The following RBM39 variants were observed in gnomAD, a reference collection of about 807,000 sequenced individuals.
RBM39 encodes RNA-binding protein 39.
A neutral mutation model predicts 79.6 loss-of-function variants in RBM39; 12 were observed. That is an observed-to-expected ratio of 0.15 (90% confidence interval 0.10 to 0.24). The LOEUF (loss-of-function observed/expected upper bound fraction) is 0.24, where lower values mean the gene tolerates loss of function less well. Ranked by LOEUF, RBM39 falls within the 10% of genes least tolerant of loss-of-function variation. The pLI, the probability that RBM39 is intolerant of heterozygous loss-of-function variation, is 1.00. For synonymous variants in RBM39, 185 were observed against 208.4 expected, an observed-to-expected ratio of 0.89 and a Z score of 0.97; for missense variants, 243 against 653.4, an observed-to-expected ratio of 0.37 and a Z score of 6.85.
chr20:35,726,534 C>CA (rs1283336250), intron 6 of RBM39, among the ~76,000 whole-genome samples: 1 of 152,190 alleles, frequency 6.6e-6, no homozygotes, highest in Non-Finnish European at 1.5e-5. Context: ...CAGACTGATC[C>CA]AAAATCAGTG....
chr20:35,734,445 T>C (rs527415803), intron 3 of RBM39: 15 of 251,080 alleles, frequency 6.0e-5, no homozygotes, highest in East Asian at 5.0e-4. Flanking sequence ...ATTCCAACTA[T>C]AGAACTCTGA....
chr20:35,710,614 T>C (rs1174070048), intron 12 of RBM39: 1 of 152,214 alleles, frequency 6.6e-6, no homozygotes, highest in African/African-American at 2.4e-5. Context: ...AATGTGGATA[T>C]AGTGATGACC....
intron 11 of RBM39, 78 bp from the exon 12 acceptor site, chr20:35,713,174 T>C: frequency 2.4e-6 from 3 of 1,243,678 alleles, no homozygotes; most frequent in Non-Finnish European, 3.4e-6. Context: ...AATATCATGA[T>C]CACTTCACTA....
rs1480799754 is a variant in RBM39 at position 35,701,541 on chromosome 20, CAGG to C, written c.*2937_*2939del. Reference sequence around the variant, plus strand: ...GGCAAAGGCTGGTGGATCACAAGGTCAGGAGATGGAGACCATCTTGGGTAACAC... The same window carrying C: ...GGCAAAGGCTGGTGGATCACAAGGTCAGATGGAGACCATCTTGGGTAACAC... On this transcript the variant is annotated 3_prime_UTR_variant, in exon 17 of 17. Transcript: ENST00000253363. The C allele has an allele frequency of 6.6e-6, 1 of 152,378 alleles. No individual in the cohort carries two copies. The highest frequency in any genetic ancestry group is 1.5e-5 in the Non-Finnish European group (1 of 68,252). 9.4% of individuals were successfully genotyped at this position (152,378 alleles called of 1,614,324 possible).
intron 2 of RBM39, 192 bp downstream of exon 2, chr20:35,740,632 C>T: frequency 7.1e-7 from 1 of 1,416,788 alleles, no homozygotes; most frequent in Non-Finnish European, 9.7e-7. Flanking sequence ...TTATTCATCA[C>T]GCTGAAGTGA....
At chr20:35,723,452 T>C (rs1775836741) in intron 8 of RBM39, among the ~76,000 whole-genome samples, 1 of 152,186 alleles carries the variant, frequency 6.6e-6, no homozygotes, top group African/African-American at 2.4e-5. Flanking sequence ...CTTTTTTCTT[T>C]TTGAGACACA....
At chr20:35,717,096 A>T in intron 9 of RBM39, among the ~76,000 whole-genome samples, 1 of 152,130 alleles carries the variant, frequency 6.6e-6, no homozygotes, top group Admixed American at 6.6e-5. Context: ...CCTGGCCAAC[A>T]TGACGAAATC....
rs554813841 is a variant in RBM39 at position 35,729,182 on chromosome 20, G to A, written c.416+130C>T. On this transcript the variant is annotated intron_variant, in intron 6 of 16. Transcript: ENST00000253363. ...CAGTAGAAATTCACTTGACCTTAAA[G>A]TACTGGAAGTGCAAAAGAAAGCAAA... 8 of 664,402 alleles carry A rather than the reference G, an allele frequency of 1.2e-5. No individual in the cohort carries two copies. In the South Asian group the frequency reaches 2.2e-4, roughly 19 times the overall value. The allele number at this position is 664,402 out of a possible 1,614,324, so 41.2% of individuals were successfully genotyped here.
intron 10 of RBM39, among the ~76,000 whole-genome samples, chr20:35,714,852 A>C (rs1277472210): frequency 2.0e-5 from 3 of 152,232 alleles, no homozygotes; most frequent in African/African-American, 7.2e-5. Flanking sequence ...ATAACTTGAT[A>C]TAAATTACAT....
At chr20:35,725,534 G>A (rs1163421771) in intron 6 of RBM39, among the ~76,000 whole-genome samples, 1 of 152,138 alleles carries the variant, frequency 6.6e-6, no homozygotes, top group Non-Finnish European at 1.5e-5. Context: ...GCCTGCCTTG[G>A]CCTCCCAAAG....
intron 1 of RBM39, among the ~76,000 whole-genome samples, chr20:35,741,279 C>G (rs2040506727): frequency 6.6e-6 from 1 of 151,722 alleles, no homozygotes; most frequent in South Asian, 2.1e-4. Context: ...AGTGATCCGC[C>G]TGCCTCTGCC....
Position 35,738,970 on chromosome 20 carries a change from T to C in RBM39, c.99A>G (p.Lys33=). The change falls in exon 3 of 17, where the codon AAA becomes AAG. Residue 33 remains lysine, a splice_region_variant and synonymous_variant. Coordinates refer to ENST00000253363, the MANE Select transcript of RBM39 (RefSeq NM_184234.3). The part of the protein sequence containing the change: ...SSANGHEERS[K]KRKKSKSRSR... ...CCAAGCCCCTTCTTAAAACTCACTTTTTGCTACGTTCTTCATGGCCGTTGG... is the reference window on the plus strand; with the variant it reads ...CCAAGCCCCTTCTTAAAACTCACTTCTTGCTACGTTCTTCATGGCCGTTGG... 6.2e-7 allele frequency: 1 copy of C among 1,612,760 alleles called. No individual in the cohort carries two copies. The highest frequency in any genetic ancestry group is 1.1e-5 in the South Asian group (1 of 91,034).
At chr20:35,716,680 C>T in intron 10 of RBM39, 60 bp downstream of exon 10, 1 of 1,046,846 alleles carries the variant, frequency 9.6e-7, no homozygotes, top group Non-Finnish European at 1.4e-6. Context: ...CTGAGCAACA[C>T]AGCAAATGTA....
At chr20:35,731,579 T>C (rs2039372435) in intron 4 of RBM39, 1 of 202,112 alleles carries the variant, frequency 4.9e-6, no homozygotes, top group Non-Finnish European at 1.0e-5. Flanking sequence ...AATATGTATT[T>C]AGCAAATACT....
intron 3 of RBM39, chr20:35,734,561 T>C (rs1424030713): frequency 8.8e-6 from 2 of 228,210 alleles, no homozygotes; most frequent in Admixed American, 5.2e-5. Flanking sequence ...AGATGGGCTA[T>C]AGCAAGAGAG....
At chr20:35,709,872 T>C (rs537392094) in intron 12 of RBM39, among the ~76,000 whole-genome samples, 1 of 152,306 alleles carries the variant, frequency 6.6e-6, no homozygotes, top group African/African-American at 2.4e-5. Context: ...TGATTATTGA[T>C]TTCCTGGCCT....
chr20:35,723,051 G>A (rs1022522997), intron 8 of RBM39, among the ~76,000 whole-genome samples: 1 of 151,648 alleles, frequency 6.6e-6, no homozygotes. Context: ...ACTAAATACA[G>A]AGAAAAATGC....
chr20:35,722,427 A>AAT (rs1555896407), intron 8 of RBM39, among the ~76,000 whole-genome samples: 5,949 of 126,166 alleles, frequency 0.047, 192 homozygotes, highest in African/African-American at 0.087. Flanking sequence ...AAAATAAAAA[A>AAT]AAAAATAAAA....
chr20:35,722,457 G>GGTTTTTTTT (rs1423718184), intron 8 of RBM39, among the ~76,000 whole-genome samples: 2 of 131,238 alleles, frequency 1.5e-5, no homozygotes, highest in African/African-American at 3.0e-5. Context: ...TTATTTAGAG[G>GGTTTTTTTT]CTTTTTTTTT....
Sources: gnomAD v4.1 joint callset for allele counts (sites outside exome capture counted in the v4.1 genomes callset) on GRCh38, gnomAD v4.1.1 for gene constraint, MANE v1.5 for transcripts, NCBI Gene and HGNC (gene_info 2026-07-23, HGNC 2026-07-21) for gene names.